PRDM11: variants seen among roughly 807,000 people sequenced by gnomAD.
PRDM11 encodes the protein PR/SET domain 11.
A neutral mutation model predicts 97.8 loss-of-function variants in PRDM11; 20 were observed. The ratio of observed to expected loss-of-function variants is 0.20; its 90% CI spans 0.14 to 0.30. The LOEUF is 0.30. PRDM11 is among the 10% of genes least tolerant of loss of function. The probability of loss-of-function intolerance (pLI) is 1.00; values close to 1 mark genes in which losing one functional copy is unlikely to be tolerated. For missense variants in PRDM11, 1,139 were observed against 1,555.2 expected, an observed-to-expected ratio of 0.73 and a Z score of 4.50; for synonymous variants, 599 against 637.7, an observed-to-expected ratio of 0.94 and a Z score of 0.91.
At chr11:45,153,496 A>G (rs1851711511) in intron 1 of PRDM11, among the ~76,000 whole-genome samples, 1 of 152,212 alleles carries the variant, frequency 6.6e-6, no homozygotes, top group Admixed American at 6.5e-5. Flanking sequence ...GCTTAGGGCC[A>G]GTCTTGGGCC....
chr11:45,234,224 T>C lies in PRDM11; in HGVS notation c.*6065T>C, dbSNP rs903053510. 10 of 152,308 alleles carry C rather than the reference T, an allele frequency of 6.6e-5. No homozygotes were observed. Among genetic ancestry groups the C allele is most frequent in the African/African-American group, 2.4e-4 (10 of 41,458 alleles). 9.4% of individuals were successfully genotyped at this position (152,308 alleles called of 1,614,324 possible). A position where few individuals can be genotyped will look rare whatever the true frequency, so the allele number is the denominator to read the frequency against. On this transcript the variant is annotated 3_prime_UTR_variant, in exon 8 of 8. Coordinates refer to ENST00000683152, the MANE Select transcript of PRDM11 (RefSeq NM_001384648.1). ...TTTCCTCTCTCTGTTTTTTTCCTCCTGGAGGTAGGAGAGAGGGCCTGACCA... is the reference window on the plus strand; with the variant it reads ...TTTCCTCTCTCTGTTTTTTTCCTCCCGGAGGTAGGAGAGAGGGCCTGACCA...
intron 5 of PRDM11, among the ~76,000 whole-genome samples, chr11:45,208,009 G>C (rs926350107): frequency 2.0e-5 from 3 of 152,236 alleles, no homozygotes; most frequent in Non-Finnish European, 4.4e-5. Flanking sequence ...AGCCAGAGCA[G>C]GAGCCAAGTG....
chr11:45,213,697 A>G (rs1192354994), intron 5 of PRDM11: 1 of 456,486 alleles, frequency 2.2e-6, no homozygotes, highest in Non-Finnish European at 4.4e-6. Flanking sequence ...GGGTGGTCTC[A>G]GTGGGGGCTC....
chr11:45,141,213 T>C (rs2135666623), intron 1 of PRDM11, among the ~76,000 whole-genome samples: 1 of 152,344 alleles, frequency 6.6e-6, no homozygotes, highest in South Asian at 2.1e-4. Context: ...TTGGTTTTAA[T>C]GTTGCAAGCA....
At chr11:45,181,164 G>C (rs1226798322) in intron 1 of PRDM11, among the ~76,000 whole-genome samples, 1 of 152,184 alleles carries the variant, frequency 6.6e-6, no homozygotes, top group Non-Finnish European at 1.5e-5. Context: ...GGTGGTGGAG[G>C]GCGGTAAGCG....
intron 1 of PRDM11, among the ~76,000 whole-genome samples, chr11:45,150,471 A>G (rs1851633165): frequency 6.6e-6 from 1 of 152,206 alleles, no homozygotes; most frequent in Non-Finnish European, 1.5e-5. Flanking sequence ...CATAGATAGA[A>G]GGCCCACTGT....
At chr11:45,159,283 C>T (rs1851876480) in intron 1 of PRDM11, among the ~76,000 whole-genome samples, 1 of 152,220 alleles carries the variant, frequency 6.6e-6, no homozygotes, top group Admixed American at 6.5e-5. Flanking sequence ...CAGTGGCCTC[C>T]TTCCTGGCTG....
At chr11:45,184,673 G>T in intron 4 of PRDM11, among the ~76,000 whole-genome samples, 1 of 109,282 alleles carries the variant, frequency 9.2e-6, no homozygotes, top group Non-Finnish European at 1.9e-5. Flanking sequence ...AAGGGGACTG[G>T]GTTGAGGGAA....
chr11:45,157,232 C>T (rs1851819928), intron 1 of PRDM11, among the ~76,000 whole-genome samples: 1 of 152,022 alleles, frequency 6.6e-6, no homozygotes, highest in Admixed American at 6.5e-5. Context: ...TTTCCATGGA[C>T]GGGGTCGGGG....
intron 1 of PRDM11, among the ~76,000 whole-genome samples, chr11:45,099,550 C>CTTT (rs11450958): frequency 2.7e-5 from 4 of 146,736 alleles, no homozygotes; most frequent in African/African-American, 1.0e-4. Flanking sequence ...CTTACACTGC[C>CTTT]TTTTTTTTTT....
chr11:45,129,905 CTA>C (rs1049940261), intron 1 of PRDM11, among the ~76,000 whole-genome samples: 2 of 152,250 alleles, frequency 1.3e-5, no homozygotes, highest in Non-Finnish European at 2.9e-5. Flanking sequence ...GTTAAGAAGA[CTA>C]TGTGGGTTTG....
intron 1 of PRDM11, among the ~76,000 whole-genome samples, chr11:45,158,840 G>T (rs932426326): frequency 1.8e-4 from 27 of 152,116 alleles, no homozygotes; most frequent in African/African-American, 6.5e-4. Flanking sequence ...TGTTGTGCAT[G>T]GCTTCTGCCA....
At chr11:45,107,967 C>A (rs1297889064) in intron 1 of PRDM11, among the ~76,000 whole-genome samples, 1 of 151,826 alleles carries the variant, frequency 6.6e-6, no homozygotes, top group Non-Finnish European at 1.5e-5. Flanking sequence ...GTAGCTGGGA[C>A]TACAGGTCTA....
intron 1 of PRDM11, among the ~76,000 whole-genome samples, chr11:45,171,804 C>T (rs1336471648): frequency 6.6e-6 from 1 of 152,222 alleles, no homozygotes; most frequent in East Asian, 1.9e-4. Flanking sequence ...ATTTCAGGAC[C>T]TGTTGGTTCA....
intron 5 of PRDM11, among the ~76,000 whole-genome samples, chr11:45,210,299 G>A (rs1853680196): frequency 6.6e-6 from 1 of 152,162 alleles, no homozygotes; most frequent in Admixed American, 6.5e-5. Flanking sequence ...ACTTGTCCCT[G>A]CCTTTCCTCT....
At chr11:45,122,804 A>G (rs928098990) in intron 1 of PRDM11, among the ~76,000 whole-genome samples, 9 of 152,126 alleles carry the variant, frequency 5.9e-5, no homozygotes, top group Admixed American at 3.3e-4. Flanking sequence ...GTAAACATAC[A>G]TGTGCATGTG....
At chr11:45,114,673 A>G (rs1852263118) in intron 1 of PRDM11, among the ~76,000 whole-genome samples, 1 of 152,160 alleles carries the variant, frequency 6.6e-6, no homozygotes, top group African/African-American at 2.4e-5. Flanking sequence ...AAAGCAGCCA[A>G]TGAAAACAAA....
chr11:45,212,828 G>A (rs749013990), intron 5 of PRDM11: 7 of 451,536 alleles, frequency 1.6e-5, no homozygotes, highest in African/African-American at 4.0e-5. Context: ...GGCCATGGCC[G>A]AGCTGACCAG....
chr11:45,209,337 G>A (rs1565327471), intron 5 of PRDM11: 1 of 348,578 alleles, frequency 2.9e-6, no homozygotes, highest in African/African-American at 2.3e-5. Flanking sequence ...CCGGCTGCCT[G>A]CCCCCCAGCT....
Sources: gnomAD v4.1 joint callset for allele counts (sites outside exome capture counted in the v4.1 genomes callset) on GRCh38, gnomAD v4.1.1 for gene constraint, MANE v1.5 for transcripts, NCBI Gene and HGNC (gene_info 2026-07-23, HGNC 2026-07-21) for gene names.